Variants in TYW1B observed in about 807,000 individuals in gnomAD.
The protein encoded by TYW1B is tRNA-yW synthesizing protein 1 homolog B, also known as S-adenosyl-L-methionine-dependent tRNA 4-demethylwyosine synthase TYW1B.
TYW1B carries 73 observed loss-of-function variants against 86.9 expected under a neutral mutation model. The ratio of observed to expected loss-of-function variants is 0.84; its 90% CI spans 0.70 to 1.02. The LOEUF is 1.02. Ranked by LOEUF, TYW1B falls within the 50% of genes least tolerant of loss-of-function variation. TYW1B has a pLI of 0.00. For missense variants in TYW1B, 637 were observed against 827.4 expected, an observed-to-expected ratio of 0.77 and a Z score of 2.82; for synonymous variants, 248 against 292.8, an observed-to-expected ratio of 0.85 and a Z score of 1.56.
At chr7:72,597,043 G>C (rs1407313299) in intron 13 of TYW1B, among the ~76,000 whole-genome samples, 1 of 151,768 alleles carries the variant, frequency 6.6e-6, no homozygotes, top group African/African-American at 2.4e-5. Context: ...ACTACAATAA[G>C]AACTCAGAGT....
intron 11 of TYW1B, among the ~76,000 whole-genome samples, chr7:72,654,212 C>T (rs1554443286): frequency 6.6e-6 from 1 of 152,078 alleles, no homozygotes; most frequent in Non-Finnish European, 1.5e-5. Context: ...GCATACTTTC[C>T]CCCTAAAACA....
At chr7:72,688,275 C>T (rs1585904061) in intron 11 of TYW1B, among the ~76,000 whole-genome samples, 2 of 152,048 alleles carry the variant, frequency 1.3e-5, no homozygotes, top group South Asian at 2.1e-4. Flanking sequence ...AAAGGAAATG[C>T]CTTTGACTTC....
intron 7 of TYW1B, among the ~76,000 whole-genome samples, chr7:72,759,743 G>A (rs1231470939): frequency 2.0e-5 from 3 of 152,202 alleles, no homozygotes; most frequent in Non-Finnish European, 4.4e-5. Context: ...AAAAGAGAGA[G>A]AGAAGTCTTT....
At chr7:72,632,424 A>ATATATATATACATATATATAT (rs1812550315) in intron 11 of TYW1B, among the ~76,000 whole-genome samples, 1 of 77,848 alleles carries the variant, frequency 1.3e-5, no homozygotes, top group East Asian at 6.2e-4. Context: ...TATATATATA[A>ATATATATATACATATATATAT]AATATATATA....
intron 13 of TYW1B, among the ~76,000 whole-genome samples, chr7:72,585,300 T>C (rs1217494296): frequency 5.3e-5 from 8 of 152,164 alleles, no homozygotes; most frequent in Non-Finnish European, 1.0e-4. Context: ...AAAGGTCTCA[T>C]AGTTCTACAC....
At chr7:72,637,948 C>T (rs1284451495) in intron 11 of TYW1B, among the ~76,000 whole-genome samples, 4 of 151,540 alleles carry the variant, frequency 2.6e-5, no homozygotes, top group Non-Finnish European at 4.4e-5. Context: ...CCTATTGTTG[C>T]TCTTTTGAAA....
intron 9 of TYW1B, among the ~76,000 whole-genome samples, chr7:72,719,941 C>T (rs1402845381): frequency 6.6e-6 from 1 of 152,056 alleles, no homozygotes; most frequent in Non-Finnish European, 1.5e-5. Flanking sequence ...GTGGCATAAA[C>T]TAATTTTTGT....
At chr7:72,810,999 C>T (rs545259651) in intron 3 of TYW1B, among the ~76,000 whole-genome samples, 187 of 152,062 alleles carry the variant, frequency 1.2e-3, no homozygotes, top group African/African-American at 2.9e-3. Context: ...AGGCCGGGTG[C>T]GGTGGCTCAA....
chr7:72,793,242 CAGG>C (rs1788249557), intron 6 of TYW1B, among the ~76,000 whole-genome samples: 1 of 151,882 alleles, frequency 6.6e-6, no homozygotes, highest in Non-Finnish European at 1.5e-5. Flanking sequence ...GAGGCTGAGG[CAGG>C]AGAATTGCTT....
chr7:72,612,376 G>A (rs1811954081), intron 13 of TYW1B, among the ~76,000 whole-genome samples: 2 of 152,120 alleles, frequency 1.3e-5, no homozygotes, highest in Non-Finnish European at 2.9e-5. Context: ...GAATGCTGAA[G>A]GCAAATGTGG....
intron 8 of TYW1B, among the ~76,000 whole-genome samples, chr7:72,734,830 T>C (rs1787171566): frequency 2.1e-5 from 2 of 93,552 alleles, no homozygotes; most frequent in Non-Finnish European, 5.2e-5. Flanking sequence ...CAAAAGAACA[T>C]ATACAAGTAG....
intron 8 of TYW1B, among the ~76,000 whole-genome samples, chr7:72,743,031 G>GT (rs1329001143): frequency 6.6e-6 from 1 of 152,134 alleles, no homozygotes; most frequent in Non-Finnish European, 1.5e-5. Context: ...AACAGAACAA[G>GT]TTAACACAAG....
chr7:72,787,868 A>G (rs1563094131), intron 6 of TYW1B, among the ~76,000 whole-genome samples: 1 of 152,168 alleles, frequency 6.6e-6, no homozygotes, highest in Non-Finnish European at 1.5e-5. Flanking sequence ...CAACAACTCT[A>G]TGTTCCTCAG....
At chr7:72,720,396 A>G (rs1359118337) in intron 9 of TYW1B, among the ~76,000 whole-genome samples, 2 of 152,210 alleles carry the variant, frequency 1.3e-5, no homozygotes, top group East Asian at 3.8e-4. Context: ...CAAAGACACC[A>G]AAGCCATCCT....
chr7:72,813,229 G>A (rs1314003457), intron 3 of TYW1B, among the ~76,000 whole-genome samples: 1 of 149,906 alleles, frequency 6.7e-6, no homozygotes, highest in Non-Finnish European at 1.5e-5. Flanking sequence ...AGGCTAGAGG[G>A]CAATGGCGCA....
chr7:72,716,805 ATT>A (rs71071904), intron 9 of TYW1B, among the ~76,000 whole-genome samples: 17 of 136,274 alleles, frequency 1.2e-4, no homozygotes, highest in African/African-American at 3.0e-4. Context: ...CGTCTGGCTA[ATT>A]TTTTTTTTTT....
chr7:72,653,852 C>T (rs1240007236), intron 11 of TYW1B, among the ~76,000 whole-genome samples: 1 of 152,070 alleles, frequency 6.6e-6, no homozygotes, highest in South Asian at 2.1e-4. Flanking sequence ...GAGGCCGAAG[C>T]GGGTGGATCA....
intron 9 of TYW1B, among the ~76,000 whole-genome samples, chr7:72,719,746 C>T (rs1479801798): frequency 6.6e-6 from 1 of 151,446 alleles, no homozygotes; most frequent in African/African-American, 2.4e-5. Flanking sequence ...ACCTGTCAAT[C>T]AGGCTGGTCA....
intron 11 of TYW1B, among the ~76,000 whole-genome samples, chr7:72,647,992 A>G (rs2960985): frequency 0.33 from 50,150 of 151,856 alleles, 8,914 homozygotes; most frequent in East Asian, 0.56. Context: ...GGCTGCAAGG[A>G]GTAATTTTTA....
Sources: gnomAD v4.1 joint callset for allele counts (sites outside exome capture counted in the v4.1 genomes callset) on GRCh38, gnomAD v4.1.1 for gene constraint, MANE v1.5 for transcripts, NCBI Gene and HGNC (gene_info 2026-07-23, HGNC 2026-07-21) for gene names.